The following SLC22A8 variants were observed in gnomAD, a reference collection of about 807,000 sequenced individuals.
The protein encoded by SLC22A8 is organic anion transporter 3.
Under a neutral mutation model 48.4 loss-of-function variants are expected in SLC22A8, and 40 were observed. That is an observed-to-expected ratio of 0.83 (90% CI 0.64 to 1.08). SLC22A8 has a LOEUF of 1.08. Ranked by LOEUF, SLC22A8 falls within the 50% of genes least tolerant of loss-of-function variation. The pLI is 0.00. For synonymous variants in SLC22A8, 268 were observed against 286.3 expected (o/e 0.94, Z 0.65); for missense variants, 606 against 699.0 (o/e 0.87, Z 1.50).
At chr11:62,995,968 G>A (rs1306843101) in intron 6 of SLC22A8, 61 bp downstream of exon 6, 1 of 1,611,164 alleles carries the variant, frequency 6.2e-7, no homozygotes, top group East Asian at 2.2e-5. Context: ...GCAAGGGGAG[G>A]GGCCAGCCCA....
Position 62,994,528 on chromosome 11 carries a change from C to A in SLC22A8, c.1216+14G>T. ...CCTCTTCCAGAGGGTTCTGGGGTAGCCCCAGTCTCTCACCCAAGGGCACAA... is the reference window on the plus strand; with the variant it reads ...CCTCTTCCAGAGGGTTCTGGGGTAGACCCAGTCTCTCACCCAAGGGCACAA... On this transcript the variant is annotated intron_variant, in intron 8 of 10. Transcript: ENST00000336232. 1 of 1,579,974 alleles carries A rather than the reference C, an allele frequency of 6.3e-7. No homozygotes were observed. The highest frequency in any genetic ancestry group is 8.6e-7 in the Non-Finnish European group (1 of 1,159,878).
At position 62,994,227 on chromosome 11, in the gene SLC22A8, A is replaced by G. The variant is rs1265211487; in HGVS notation, c.1216+315T>C. 6 of 523,244 alleles carry G rather than the reference A, an allele frequency of 1.1e-5. No individual in the cohort carries two copies. In the South Asian group the frequency reaches 1.2e-4, roughly 10 times the overall value. The allele number at this position is 523,244 out of a possible 1,614,324, so 32.4% of individuals were successfully genotyped here. On this transcript the variant is annotated intron_variant, in intron 8 of 10. Coordinates refer to ENST00000336232, the MANE Select transcript of SLC22A8 (RefSeq NM_004254.4). The stretch of plus-strand genomic sequence containing the variant: ...GTAGGTTGTGGGGTCTTTCTTGAGC[A>G]TGAGCTCTGTCGTTTTACCATCTCA...
At chr11:63,014,516 T>C in intron 2 of SLC22A8, 110 bp downstream of exon 2, 1 of 956,916 alleles carries the variant, frequency 1.0e-6, no homozygotes, top group Non-Finnish European at 1.6e-6. Flanking sequence ...CCCAGTGACC[T>C]GTCCTCAGTT....
chr11:62,998,252 A>AGCTT (rs1555034997), intron 5 of SLC22A8, among the ~76,000 whole-genome samples: 1 of 151,962 alleles, frequency 6.6e-6, no homozygotes, highest in African/African-American at 2.4e-5. Flanking sequence ...GTGCCCGGCC[A>AGCTT]GCTCTGACTA....
chr11:62,997,676 G>A lies in SLC22A8; in HGVS notation c.761+1245C>T, dbSNP rs143086305. On this transcript the variant is annotated intron_variant, in intron 5 of 10. Coordinates refer to ENST00000336232, the MANE Select transcript of SLC22A8 (RefSeq NM_004254.4). ...ACGCCTAGGTTGCCCATCCCCTCTG[G>A]GAGCTGCTATTCTCATTTCCGAGCT... Among the ~76,000 whole-genome samples, 17 of 152,270 alleles carry A rather than the reference G, an allele frequency of 1.1e-4. No individual in the cohort carries two copies. The South Asian group carries it at 2.7e-3, about 24-fold the overall frequency.
Position 62,994,555 on chromosome 11 carries a change from G to T in SLC22A8, c.1203C>A (p.Thr401=). 6.2e-7 allele frequency: 1 copy of T among 1,608,724 alleles called. No homozygotes were observed. ...LLAGGAILAL[T]FVPLDLQTVR... ...CCAGTCTCTCACCCAAGGGCACAAA[G>T]GTGAGAGCCAAGATGGCCCCTCCTG... Residue 401 remains threonine, a synonymous_variant, in exon 8 of 11, where the codon ACC becomes ACA. Coordinates refer to ENST00000336232, the MANE Select transcript of SLC22A8 (RefSeq NM_004254.4).
intron 2 of SLC22A8, among the ~76,000 whole-genome samples, chr11:63,003,493 G>A (rs1019197466): frequency 5.3e-5 from 8 of 152,168 alleles, no homozygotes; most frequent in African/African-American, 1.9e-4. Flanking sequence ...AAAGGAAGAA[G>A]CAAGGGGGTG....
chr11:62,997,495 T>A (rs2086436637), intron 5 of SLC22A8, among the ~76,000 whole-genome samples: 1 of 152,112 alleles, frequency 6.6e-6, no homozygotes, highest in Non-Finnish European at 1.5e-5. Context: ...GTGCTGGGAT[T>A]ACAGCCGTGA....
chr11:62,998,288 T>G (rs1023999811), intron 5 of SLC22A8, among the ~76,000 whole-genome samples: 15 of 152,106 alleles, frequency 9.9e-5, no homozygotes, highest in Non-Finnish European at 2.1e-4. Flanking sequence ...TTTCCTGTCT[T>G]TCAGTGTGGC....
At chr11:63,009,502 G>A (rs1161881297) in intron 2 of SLC22A8, among the ~76,000 whole-genome samples, 1 of 152,134 alleles carries the variant, frequency 6.6e-6, no homozygotes, top group Non-Finnish European at 1.5e-5. Flanking sequence ...AGGCCCTGAG[G>A]CCCACAAGCT....
rs151316456 is a variant in SLC22A8, at chr11:63,001,567, C to T, written c.334-744G>A. 3.7e-4 allele frequency among the ~76,000 whole-genome samples: 57 copies of T among 152,332 alleles called. 1 individual carries two copies. The highest frequency in any genetic ancestry group is 2.5e-3 in the Admixed American group (39 of 15,308). On this transcript the variant is annotated intron_variant, in intron 2 of 10. Coordinates refer to ENST00000336232, the MANE Select transcript of SLC22A8 (RefSeq NM_004254.4). ...TGTGGATGCTGCTGATCTCGCCCTC[C>T]GTCAGGCTTCCTGCTGTTCTGCACT...
intron 5 of SLC22A8, among the ~76,000 whole-genome samples, 162 bp from the exon 6 acceptor site, chr11:62,996,314 T>G (rs1480520320): frequency 6.6e-6 from 1 of 152,242 alleles, no homozygotes; most frequent in African/African-American, 2.4e-5. Context: ...ACTCTGCCCC[T>G]GGGCTGCCTG....
chr11:62,993,733 TC>T (rs1438143410), intron 9 of SLC22A8, 36 bp downstream of exon 9: 2 of 1,589,688 alleles, frequency 1.3e-6, no homozygotes, highest in Non-Finnish European at 1.7e-6. Context: ...CTGACCTGTG[TC>T]CTCTGGCTGG....
chr11:62,993,346 G>A lies in SLC22A8; in HGVS notation c.1530-10C>T. 1 of 1,613,896 alleles carries A rather than the reference G, an allele frequency of 6.2e-7. No individual in the cohort carries two copies. The highest frequency in any genetic ancestry group is 8.5e-7 in the Non-Finnish European group (1 of 1,179,810). Reference sequence around the variant, plus strand: ...CTTTGCCCGCAGGGACCTAGGGACAGAGAGCTAAGGAAAAGCCCTGGGCCC... The same window carrying A: ...CTTTGCCCGCAGGGACCTAGGGACAAAGAGCTAAGGAAAAGCCCTGGGCCC... On this transcript the variant is annotated splice_polypyrimidine_tract_variant and intron_variant, in intron 10 of 10. Coordinates refer to ENST00000336232, the MANE Select transcript of SLC22A8 (RefSeq NM_004254.4).
intron 2 of SLC22A8, 58 bp downstream of exon 2, chr11:63,014,568 C>G (rs75188766): frequency 7.2e-7 from 1 of 1,385,696 alleles, no homozygotes; most frequent in East Asian, 2.3e-5. Flanking sequence ...TGCCCACCAG[C>G]GGTGCAGGGT....
Position 62,994,561 on chromosome 11 carries a change from A to G in SLC22A8, c.1197T>C (p.Ala399=). The change falls in exon 8 of 11, where the codon GCT becomes GCC. Residue 399 remains alanine, a synonymous_variant. Transcript: ENST00000336232. ...TCTCACCCAAGGGCACAAAGGTGAG[A>G]GCCAAGATGGCCCCTCCTGCCAGGA... ...ALLLAGGAIL[A]LTFVPLDLQT... The G allele has an allele frequency of 6.2e-7, 1 of 1,610,430 alleles. No homozygotes were observed. Among genetic ancestry groups the G allele is most frequent in the Non-Finnish European group, 8.5e-7 (1 of 1,178,218 alleles).
chr11:63,013,015 C>T (rs2086636329), intron 2 of SLC22A8, among the ~76,000 whole-genome samples: 2 of 152,034 alleles, frequency 1.3e-5, no homozygotes, highest in Admixed American at 1.3e-4. Flanking sequence ...CCTGAATCTG[C>T]CACTTATTAG....
chr11:63,000,669 AG>A (rs1453141163), intron 3 of SLC22A8, 50 bp downstream of exon 3: 2 of 1,311,192 alleles, frequency 1.5e-6, no homozygotes, highest in African/African-American at 1.4e-5. Context: ...AGAGTAGGGA[AG>A]GGTTGTCCCC....
chr11:63,009,208 AACTGGGG>A (rs1268823308), intron 2 of SLC22A8, among the ~76,000 whole-genome samples: 3 of 151,964 alleles, frequency 2.0e-5, no homozygotes, highest in South Asian at 4.2e-4. Flanking sequence ...AGAGATGGGC[AACTGGGG>A]ACTGGGGATT....
Sources: allele counts gnomAD v4.1 joint callset (sites outside exome capture counted in the v4.1 genomes callset), GRCh38; gene constraint gnomAD v4.1.1; transcripts MANE v1.5; gene names NCBI Gene and HGNC (gene_info 2026-07-23, HGNC 2026-07-21).